Variants in LSS observed in about 807,000 individuals in gnomAD.
The protein encoded by LSS is lanosterol synthase, also known as 2,3-epoxysqualene-lanosterol cyclase.
Under a neutral mutation model 110.3 loss-of-function variants are expected in LSS, and 90 were observed. The observed-to-expected ratio is 0.82, with a 90% CI of 0.69 to 0.97. The LOEUF (loss-of-function observed/expected upper bound fraction) is 0.97. Among genes scored for constraint, LSS ranks in the 50% least tolerant of loss-of-function variants. The pLI, the probability that LSS is intolerant of heterozygous loss-of-function variation, is 0.00. For missense variants in LSS, 927 were observed against 990.0 expected (o/e 0.94, Z 0.85); for synonymous variants, 433 against 400.0 (o/e 1.08, Z -0.98).
chr21:46,221,734 T>C, intron 5 of LSS, 120 bp downstream of exon 5: 2 of 1,434,476 alleles, frequency 1.4e-6, no homozygotes, highest in Admixed American at 1.8e-5. Context: ...ACAAATTCCC[T>C]GCTCATGTGC....
At chr21:46,205,737 T>C (rs1416161322) in intron 17 of LSS, 99 bp downstream of exon 17, 3 of 893,878 alleles carry the variant, frequency 3.4e-6, no homozygotes, top group Non-Finnish European at 5.2e-6. Flanking sequence ...GAGTTTCGCT[T>C]CTGAGATGGG....
chr21:46,194,424 C>T (rs759431236), intron 20 of LSS, 67 bp downstream of exon 20: 18 of 1,579,268 alleles, frequency 1.1e-5, no homozygotes, highest in Middle Eastern at 2.2e-4. Context: ...CCCAGGCCAC[C>T]GGCTCACAGC....
At position 46,188,474 on chromosome 21, in the gene LSS, GA is replaced by G; in HGVS notation, c.*2629del. Reference sequence around the variant, plus strand: ...TTCATGACTGATTTTTAATCACACTGAGGCAAATATCCCCCTCAGACAGAGG... The same window carrying G: ...TTCATGACTGATTTTTAATCACACTGGGCAAATATCCCCCTCAGACAGAGG... On this transcript the variant is annotated 3_prime_UTR_variant, in exon 22 of 22. Transcript: ENST00000397728. 3.2e-6 allele frequency: 1 copy of G among 314,884 alleles called. No homozygotes were observed. Among genetic ancestry groups the G allele is most frequent in the Middle Eastern group, 6.9e-4 (1 of 1,458 alleles). 19.5% of individuals were successfully genotyped at this position (314,884 alleles called of 1,614,324 possible).
Position 46,188,534 on chromosome 21 carries a change from G to T in LSS, c.*2570C>A. On this transcript the variant is annotated 3_prime_UTR_variant, in exon 22 of 22. Coordinates refer to ENST00000397728, the MANE Select transcript of LSS (RefSeq NM_002340.6). ...GTACAGCTGCCATCTCCTCTTGGTG[G>T]TGTCCTTTGTCAAGAGCATGTCAGG... 1 of 432,342 alleles carries T rather than the reference G, an allele frequency of 2.3e-6. No individual in the cohort carries two copies. 26.8% of individuals were successfully genotyped at this position (432,342 alleles called of 1,614,324 possible).
intron 17 of LSS, among the ~76,000 whole-genome samples, chr21:46,201,178 A>G (rs1307926257): frequency 1.2e-4 from 13 of 108,210 alleles, no homozygotes; most frequent in Admixed American, 3.6e-4. Flanking sequence ...GTGGGAGGAC[A>G]GGTCATGAAG....
intron 19 of LSS, 94 bp downstream of exon 19, chr21:46,195,579 CAAA>C (rs2079898227): frequency 6.0e-6 from 7 of 1,165,986 alleles, no homozygotes; most frequent in East Asian, 2.4e-5. Flanking sequence ...AACAAACAAA[CAAA>C]CAAACCCTAA....
At chr21:46,203,513 T>C (rs776262739) in intron 17 of LSS, among the ~76,000 whole-genome samples, 2 of 152,276 alleles carry the variant, frequency 1.3e-5, no homozygotes, top group Non-Finnish European at 2.9e-5. Flanking sequence ...CGCTTCTCTG[T>C]ATTTTGCAAG....
At position 46,211,064 on chromosome 21, in the gene LSS, C is replaced by T. The variant is rs118076759; in HGVS notation, c.1138-320G>A. 2.0e-4 allele frequency among the ~76,000 whole-genome samples: 31 copies of T among 152,354 alleles called. No individual in the cohort carries two copies. In the East Asian group the frequency reaches 5.4e-3, roughly 27 times the overall value. ...GAGGCTCCAGCACCTACACATAGAG[C>T]ATCCAGCTGCTCTCACCCAATGACA... On this transcript the variant is annotated intron_variant, in intron 11 of 21. Transcript: ENST00000397728.
chr21:46,195,939 G>A (rs900729358), intron 18 of LSS, among the ~76,000 whole-genome samples, 183 bp from the exon 19 acceptor site: 7 of 152,228 alleles, frequency 4.6e-5, no homozygotes, highest in African/African-American at 1.7e-4. Flanking sequence ...CAGAAAGGGT[G>A]GAGGGAATAG....
Position 46,216,803 on chromosome 21 carries a change from T to C in LSS, c.648-279A>G, listed in dbSNP as rs1235540661. Among the ~76,000 whole-genome samples the C allele has an allele frequency of 1.4e-4, 21 of 152,192 alleles. No homozygotes were observed. The highest frequency in any genetic ancestry group is 1.4e-3 in the Admixed American group (21 of 15,286). On this transcript the variant is annotated intron_variant, in intron 6 of 21. Transcript: ENST00000397728. The surrounding 1 kb of genome is among the most constrained non-coding windows in gnomAD (Gnocchi z 4.2). ...ATGCTTAGGATTGTCCGTGGGTTTC[T>C]TAGCTACAACAAACGTACCTTGGTA...
In LSS at chr21:46,189,457, A is replaced by G. The variant is rs919497928; in HGVS notation, c.*1647T>C. 1 of 345,094 alleles carries G rather than the reference A, an allele frequency of 2.9e-6. No homozygotes were observed. The highest frequency in any genetic ancestry group is 5.7e-6 in the Non-Finnish European group (1 of 174,292). 21.4% of individuals were successfully genotyped at this position (345,094 alleles called of 1,614,324 possible). The stretch of plus-strand genomic sequence containing the variant: ...TTAAGATGTGCAGGGAAGTGTTGAC[A>G]CTGAACAGGCAGCTGACCAAGCCCT... On this transcript the variant is annotated 3_prime_UTR_variant, in exon 22 of 22. Transcript: ENST00000397728.
At chr21:46,207,374 A>G in intron 15 of LSS, 54 bp downstream of exon 15, 1 of 1,595,092 alleles carries the variant, frequency 6.3e-7, no homozygotes, top group Non-Finnish European at 8.5e-7. Context: ...GTGAGCACGC[A>G]GCTCATCTGC....
Position 46,189,552 on chromosome 21 carries a change from C to T in LSS, c.*1552G>A. 1 of 412,594 alleles carries T rather than the reference C, an allele frequency of 2.4e-6. No individual in the cohort carries two copies. The allele number at this position is 412,594 out of a possible 1,614,324, so 25.6% of individuals were successfully genotyped here. Reference sequence around the variant, plus strand: ...CAGCACATGGGGCAAGGGAGCTGGACAGAAGACCCCAGAGGGTGCGGCACC... The same window carrying T: ...CAGCACATGGGGCAAGGGAGCTGGATAGAAGACCCCAGAGGGTGCGGCACC... On this transcript the variant is annotated 3_prime_UTR_variant, in exon 22 of 22. Transcript: ENST00000397728.
chr21:46,222,051 G>T, intron 4 of LSS, 76 bp from the exon 5 acceptor site: 1 of 1,550,230 alleles, frequency 6.5e-7, no homozygotes, highest in Non-Finnish European at 8.8e-7. Flanking sequence ...TTTCTGTGGA[G>T]TTTCCTCAGA....
chr21:46,198,807 A>G lies in LSS; in HGVS notation c.1671-2540T>C, dbSNP rs995252197. ...AAGAGTCTTCTTGACAGATGGTACC[A>G]AAACAACTGGACATCCACATGCAAA... On this transcript the variant is annotated intron_variant, in intron 17 of 21. Coordinates refer to ENST00000397728, the MANE Select transcript of LSS (RefSeq NM_002340.6). Among the ~76,000 whole-genome samples the G allele has an allele frequency of 6.0e-5, 9 of 149,980 alleles. No individual in the cohort carries two copies. In the Admixed American group the frequency reaches 6.1e-4, roughly 10 times the overall value.
chr21:46,206,347 G>A (rs900078084), intron 16 of LSS, among the ~76,000 whole-genome samples: 3 of 152,190 alleles, frequency 2.0e-5, no homozygotes, highest in Non-Finnish European at 4.4e-5. Context: ...CTCCCTGCAG[G>A]CGCTCTGGAT....
intron 19 of LSS, 79 bp from the exon 20 acceptor site, chr21:46,194,740 C>T: frequency 6.8e-7 from 1 of 1,464,592 alleles, no homozygotes. Context: ...AGCAGGCTGC[C>T]TTGGGGTACG....
At chr21:46,224,031 T>A (rs1288872682) in intron 3 of LSS, among the ~76,000 whole-genome samples, 1 of 152,176 alleles carries the variant, frequency 6.6e-6, no homozygotes, top group Non-Finnish European at 1.5e-5. Flanking sequence ...CGGAGGCCTG[T>A]CTCCCTGTGA....
chr21:46,211,219 T>C (rs757609411), intron 11 of LSS, among the ~76,000 whole-genome samples: 37 of 152,274 alleles, frequency 2.4e-4, no homozygotes, highest in Middle Eastern at 3.4e-3. Flanking sequence ...CTCCGCCTCC[T>C]GGGTTCACGC....
Sources: allele counts gnomAD v4.1 joint callset (sites outside exome capture counted in the v4.1 genomes callset), GRCh38; gene constraint gnomAD v4.1.1; non-coding constraint Gnocchi (gnomAD v3.1); transcripts MANE v1.5; gene names NCBI Gene and HGNC (gene_info 2026-07-23, HGNC 2026-07-21).